The following ABCA4 variants were observed in gnomAD, a reference collection of about 807,000 sequenced individuals.
The protein encoded by ABCA4 is retinal-specific phospholipid-transporting ATPase ABCA4.
ABCA4 carries 196 observed loss-of-function variants against 263.7 expected under a neutral mutation model. That is an observed-to-expected ratio of 0.74 (90% CI 0.66 to 0.84). The LOEUF (loss-of-function observed/expected upper bound fraction) is 0.84. Among genes scored for constraint, ABCA4 ranks in the 40% least tolerant of loss-of-function variants. ABCA4 has a pLI of 0.00. For missense variants in ABCA4, 2,792 were observed against 2,855.1 expected (o/e 0.98, Z 0.50); for synonymous variants, 1,133 against 1,094.2 (o/e 1.04, Z -0.70).
chr1:94,063,366 A>C, intron 11 of ABCA4, 49 bp from the exon 12 acceptor site: 2 of 1,552,350 alleles, frequency 1.3e-6, no homozygotes, highest in Middle Eastern at 1.7e-4. Context: ...CCAACTGCAA[A>C]GACTCAACTC....
rs749252902 is a variant in ABCA4 at position 94,108,686 on chromosome 1, TTC to T, written c.331_332del (p.Glu111ThrfsTer49). 7 of 1,613,646 alleles carry T rather than the reference TTC, an allele frequency of 4.3e-6. No homozygotes were observed. Among genetic ancestry groups the T allele is most frequent in the Non-Finnish European group, 5.9e-6 (7 of 1,179,954 alleles). ...ILARVYRDFQ[E>X]LLMNAPESQH... Reference sequence around the variant, plus strand: ...GGCTCTCTGGTGCATTCATGAGGAGTTCTTGAAAATCTCGATATACCCTTGCC... The same window carrying T: ...GGCTCTCTGGTGCATTCATGAGGAGTTTGAAAATCTCGATATACCCTTGCC... On this transcript the variant is annotated frameshift_variant, in exon 4 of 50. Coordinates refer to ENST00000370225, the MANE Select transcript of ABCA4 (RefSeq NM_000350.3). LOFTEE classifies it high-confidence loss of function.
At chr1:94,098,641 T>C (rs1244450495) in intron 6 of ABCA4, among the ~76,000 whole-genome samples, 153 bp downstream of exon 6, 2 of 152,200 alleles carry the variant, frequency 1.3e-5, no homozygotes, top group African/African-American at 4.8e-5. Context: ...CTAGAAATAC[T>C]ATCAGTTGTG....
chr1:94,019,288 C>T (rs759557961), intron 36 of ABCA4: 3 of 334,384 alleles, frequency 9.0e-6, no homozygotes, highest in South Asian at 4.0e-5. Flanking sequence ...CTCATGCCTG[C>T]GGTGCAGTGA....
rs570666730 is a variant in ABCA4 at position 94,110,656 on chromosome 1, C to T, written c.302+782G>A. Among the ~76,000 whole-genome samples the T allele has an allele frequency of 3.9e-5, 6 of 152,326 alleles. No homozygotes were observed. In the South Asian group the frequency reaches 1.2e-3, roughly 32 times the overall value. Reference sequence around the variant, plus strand: ...ATGCTCCCATGATGTTCTCCCAATGCTCTGAAAGGGAATTCCGAAGGCAGA... The same window carrying T: ...ATGCTCCCATGATGTTCTCCCAATGTTCTGAAAGGGAATTCCGAAGGCAGA... On this transcript the variant is annotated intron_variant, in intron 3 of 49. Coordinates refer to ENST00000370225, the MANE Select transcript of ABCA4 (RefSeq NM_000350.3).
chr1:94,072,300 T>G (rs1035974144), intron 11 of ABCA4, among the ~76,000 whole-genome samples: 5 of 152,248 alleles, frequency 3.3e-5, no homozygotes, highest in African/African-American at 4.8e-5. Flanking sequence ...AATACAGTGG[T>G]TACTGGTTAA....
At position 94,060,551 on chromosome 1, in the gene ABCA4, T is replaced by C. The variant is rs1441572907; in HGVS notation, c.2146A>G (p.Thr716Ala). 3.7e-6 allele frequency: 6 copies of C among 1,613,978 alleles called. No homozygotes were observed. The highest frequency in any genetic ancestry group is 2.2e-5 in the East Asian group (1 of 44,882). ...SIMSMSIFLL[T>A]IFIMHGRILH... ...ATTTGGCTTACCATGATGAATATCGTCAGGAGGAAGATGCTCATCGACATG... is the reference window on the plus strand; with the variant it reads ...ATTTGGCTTACCATGATGAATATCGCCAGGAGGAAGATGCTCATCGACATG... Residue 716 changes from threonine to alanine, a missense_variant, in exon 14 of 50, where the codon ACG becomes GCG. By Grantham distance (58) the Thr-to-Ala change is moderately conservative. Coordinates refer to ENST00000370225, the MANE Select transcript of ABCA4 (RefSeq NM_000350.3).
chr1:94,045,975 C>G (rs761071343), intron 19 of ABCA4: 1 of 456,032 alleles, frequency 2.2e-6, no homozygotes, highest in Middle Eastern at 3.3e-4. Flanking sequence ...GCTGAGAGAT[C>G]CGCGCAGAGC....
At chr1:94,077,165 T>A (rs1159361729) in intron 11 of ABCA4, among the ~76,000 whole-genome samples, 1 of 152,182 alleles carries the variant, frequency 6.6e-6, no homozygotes, top group East Asian at 1.9e-4. Flanking sequence ...AGAAGGAAAA[T>A]TAGGGATGAC....
rs1216624273 is a variant in ABCA4, at chr1:93,996,090, G to A, written c.6816+19C>T. On this transcript the variant is annotated intron_variant, in intron 49 of 49. Coordinates refer to ENST00000370225, the MANE Select transcript of ABCA4 (RefSeq NM_000350.3). ...AAGGAACTGCCTCAAGCTGTGGACTGCATAAGCAGCAGGGGTACCTGGGCT... is the reference window on the plus strand; with the variant it reads ...AAGGAACTGCCTCAAGCTGTGGACTACATAAGCAGCAGGGGTACCTGGGCT... The A allele has an allele frequency of 6.2e-7, 1 of 1,610,448 alleles. No individual in the cohort carries two copies. The highest frequency in any genetic ancestry group is 1.1e-5 in the South Asian group (1 of 91,006).
intron 38 of ABCA4, 45 bp from the exon 39 acceptor site, chr1:94,011,430 CCCCCCT>C: frequency 1.2e-6 from 2 of 1,603,190 alleles, no homozygotes; most frequent in Non-Finnish European, 1.7e-6. Flanking sequence ...CAAACCCCAC[CCCCCCT>C]CTCTTCAGCA....
intron 4 of ABCA4, among the ~76,000 whole-genome samples, chr1:94,105,093 C>A (rs1476766530): frequency 2.6e-5 from 4 of 152,210 alleles, no homozygotes; most frequent in Non-Finnish European, 4.4e-5. Context: ...TTATACTCCT[C>A]ATTGTACCTA....
At chr1:93,994,083 A>G (rs552234711) in intron 49 of ABCA4, among the ~76,000 whole-genome samples, 2 of 152,372 alleles carry the variant, frequency 1.3e-5, no homozygotes, top group South Asian at 4.1e-4. Context: ...TGAAACTAAC[A>G]CAAAGATACG....
intron 38 of ABCA4, among the ~76,000 whole-genome samples, chr1:94,014,037 C>T (rs1659649278): frequency 6.6e-6 from 1 of 152,064 alleles, no homozygotes; most frequent in African/African-American, 2.4e-5. Flanking sequence ...TGTGTAAAAC[C>T]CAACACCCAA....
At position 94,025,039 on chromosome 1, in the gene ABCA4, G is replaced by A. The variant is rs1800550; in HGVS notation, c.4549C>T (p.Arg1517Cys). Reference protein sequence around the residue: ...GGLPPPQRTQRSTEILQDLTD... With the variant: ...GGLPPPQRTQCSTEILQDLTD... ...AGGTCTTGTAGAATTTCCGTGCTGCGCTGTGTTCTCTGAGGCAATGAGACA... is the reference window on the plus strand; with the variant it reads ...AGGTCTTGTAGAATTTCCGTGCTGCACTGTGTTCTCTGAGGCAATGAGACA... The change falls in exon 31 of 50, where the codon CGC (arginine) becomes TGC (cysteine). Residue 1517 changes from arginine (R) to cysteine (C), a missense_variant. Arg to Cys is a radical substitution (Grantham distance 180, BLOSUM62 -3). Transcript: ENST00000370225. 1.1e-5 allele frequency: 17 copies of A among 1,614,092 alleles called. 1 individual carries two copies. The highest frequency in any genetic ancestry group is 4.5e-5 in the East Asian group (2 of 44,882).
intron 4 of ABCA4, among the ~76,000 whole-genome samples, chr1:94,103,823 G>A (rs147521998): frequency 1.5e-3 from 226 of 152,318 alleles, no homozygotes; most frequent in Middle Eastern, 6.8e-3. Flanking sequence ...GGTAGAAAGA[G>A]GAGAGCCAGG....
chr1:94,100,674 T>C (rs1011027579), intron 5 of ABCA4, among the ~76,000 whole-genome samples: 24 of 152,218 alleles, frequency 1.6e-4, no homozygotes, highest in African/African-American at 5.1e-4. Flanking sequence ...TCTAATTCCC[T>C]AGATGGAGAG....
In ABCA4 at chr1:94,094,414, G is replaced by C. The variant is rs963378096; in HGVS notation, c.768+4380C>G. 2.0e-5 allele frequency among the ~76,000 whole-genome samples: 3 copies of C among 152,266 alleles called. No homozygotes were observed. In the South Asian group the frequency reaches 6.2e-4, roughly 32 times the overall value. ...AACGTCCAGCCACCCCGTAGTCAAA[G>C]AGACACGGATAAAATGCAATCAGAA... On this transcript the variant is annotated intron_variant, in intron 6 of 49. Coordinates refer to ENST00000370225, the MANE Select transcript of ABCA4 (RefSeq NM_000350.3).
rs542097119 is a variant in ABCA4, at chr1:94,004,562, C to A, written c.6147+879G>T. Among the ~76,000 whole-genome samples, 5 of 152,298 alleles carry A rather than the reference C, an allele frequency of 3.3e-5. No individual in the cohort carries two copies. In the East Asian group the frequency reaches 9.6e-4, roughly 29 times the overall value. ...CAGCAGTTGTTTGTGTTAGCTCTATCCCCCTTTTGCAAGATTATGATATTT... is the reference window on the plus strand; with the variant it reads ...CAGCAGTTGTTTGTGTTAGCTCTATACCCCTTTTGCAAGATTATGATATTT... On this transcript the variant is annotated intron_variant, in intron 44 of 49. Transcript: ENST00000370225.
intron 19 of ABCA4, among the ~76,000 whole-genome samples, chr1:94,046,470 A>AAAAAAAG (rs1557780361): frequency 1.3e-5 from 2 of 148,628 alleles, no homozygotes; most frequent in East Asian, 4.0e-4. Flanking sequence ...AAAAAAAAAA[A>AAAAAAAG]AAAAAAGAAA....
Sources: allele counts gnomAD v4.1 joint callset (sites outside exome capture counted in the v4.1 genomes callset), GRCh38; gene constraint gnomAD v4.1.1; transcripts MANE v1.5; gene names NCBI Gene and HGNC (gene_info 2026-07-23, HGNC 2026-07-21).